Variants in SORCS3 observed in about 807,000 individuals in gnomAD.
The protein encoded by SORCS3 is sortilin related VPS10 domain containing receptor 3, also known as VPS10 domain-containing receptor SorCS3.
SORCS3 carries 57 observed loss-of-function variants against 146.3 expected under a neutral mutation model. That is an observed-to-expected ratio of 0.39 (90% confidence interval 0.31 to 0.49). The LOEUF (loss-of-function observed/expected upper bound fraction) is 0.49. SORCS3 is among the 20% of genes least tolerant of loss of function. SORCS3 has a pLI of 0.92. For synonymous variants in SORCS3, 653 were observed against 618.5 expected (o/e 1.06, Z -0.83); for missense variants, 1,341 against 1,575.5 (o/e 0.85, Z 2.52).
intron 10 of SORCS3, among the ~76,000 whole-genome samples, chr10:105,157,488 A>T (rs1049658253): frequency 6.6e-6 from 1 of 152,224 alleles, no homozygotes. Flanking sequence ...GCAGGCATTT[A>T]ATGAGGATCT....
intron 1 of SORCS3, among the ~76,000 whole-genome samples, chr10:104,681,084 C>T (rs1184600086): frequency 2.0e-5 from 3 of 152,214 alleles, no homozygotes; most frequent in African/African-American, 7.2e-5. Context: ...TGCGCTTGGG[C>T]GTAACACATG....
At chr10:104,903,907 C>T (rs1172409724) in intron 2 of SORCS3, among the ~76,000 whole-genome samples, 2 of 151,986 alleles carry the variant, frequency 1.3e-5, no homozygotes, top group African/African-American at 4.8e-5. Context: ...TAAAAGAATG[C>T]TAATTTTGTC....
intron 2 of SORCS3, among the ~76,000 whole-genome samples, chr10:104,883,647 G>A (rs1039214310): frequency 6.6e-6 from 1 of 152,166 alleles, no homozygotes; most frequent in African/African-American, 2.4e-5. Context: ...TATCTATGAG[G>A]AATATCTTAT....
intron 14 of SORCS3, among the ~76,000 whole-genome samples, chr10:105,195,149 T>C (rs1188842816): frequency 2.0e-5 from 3 of 152,230 alleles, no homozygotes; most frequent in African/African-American, 7.2e-5. Context: ...TTTAATATTC[T>C]ATTGATACAT....
At chr10:104,961,880 T>C (rs1222222193) in intron 3 of SORCS3, among the ~76,000 whole-genome samples, 1 of 152,158 alleles carries the variant, frequency 6.6e-6, no homozygotes. Flanking sequence ...TATTGATTTA[T>C]TGAGCACGTT....
intron 16 of SORCS3, among the ~76,000 whole-genome samples, chr10:105,201,670 C>T (rs1289680323): frequency 6.6e-6 from 1 of 152,176 alleles, no homozygotes; most frequent in African/African-American, 2.4e-5. Context: ...CCCCTAATAA[C>T]AGCAATGGAG....
intron 14 of SORCS3, among the ~76,000 whole-genome samples, chr10:105,185,124 G>A (rs2056466972): frequency 1.3e-5 from 2 of 152,020 alleles, no homozygotes; most frequent in African/African-American, 4.8e-5. Flanking sequence ...CACCAATGTT[G>A]TCATAAATGG....
intron 2 of SORCS3, among the ~76,000 whole-genome samples, chr10:104,880,799 G>A (rs926087148): frequency 1.8e-4 from 27 of 152,114 alleles, no homozygotes; most frequent in African/African-American, 5.3e-4. Flanking sequence ...GAGGTAGCAC[G>A]TGTTGATGCG....
At chr10:105,219,214 A>G (rs916659355) in intron 19 of SORCS3, among the ~76,000 whole-genome samples, 3 of 152,232 alleles carry the variant, frequency 2.0e-5, no homozygotes, top group Non-Finnish European at 4.4e-5. Flanking sequence ...ACAAAACAAA[A>G]TCAGCAAAGG....
At chr10:105,181,123 A>G (rs2056440099) in intron 14 of SORCS3, among the ~76,000 whole-genome samples, 2 of 152,194 alleles carry the variant, frequency 1.3e-5, no homozygotes, top group Non-Finnish European at 2.9e-5. Flanking sequence ...TATATTTACC[A>G]GGCTTGTGCT....
chr10:104,898,641 T>A (rs767029294), intron 2 of SORCS3, among the ~76,000 whole-genome samples: 1 of 152,222 alleles, frequency 6.6e-6, no homozygotes, highest in African/African-American at 2.4e-5. Flanking sequence ...ATCTGGCCCC[T>A]GGAAAGAGGC....
intron 7 of SORCS3, among the ~76,000 whole-genome samples, chr10:105,109,691 G>A (rs1394452451): frequency 2.6e-5 from 4 of 151,548 alleles, no homozygotes; most frequent in African/African-American, 4.9e-5. Context: ...TTTCATTAAG[G>A]CATCTTGTTG....
Position 104,959,845 on chromosome 10 carries a change from T to A in SORCS3, c.796-17490T>A, listed in dbSNP as rs10884070. Among the ~76,000 whole-genome samples, 483 of 152,286 alleles carry A rather than the reference T, an allele frequency of 3.2e-3. 1 individual carries two copies. Among genetic ancestry groups the A allele is most frequent in the Non-Finnish European group, 5.4e-3 (368 of 68,024 alleles). On this transcript the variant is annotated intron_variant, in intron 3 of 26. Coordinates refer to ENST00000369701, the MANE Select transcript of SORCS3 (RefSeq NM_014978.3). ...ACTCCTTGCACAGCCTGACTACTTA[T>A]TGTTTTCATTTTTTTCTGGGAGCTA...
chr10:104,774,713 G>T (rs943657163), intron 1 of SORCS3, among the ~76,000 whole-genome samples: 1 of 152,144 alleles, frequency 6.6e-6, no homozygotes, highest in East Asian at 1.9e-4. Context: ...AGAAAAAGGG[G>T]TCATGGAGTG....
chr10:104,879,908 T>C (rs1244095286), intron 2 of SORCS3, among the ~76,000 whole-genome samples: 1 of 152,172 alleles, frequency 6.6e-6, no homozygotes, highest in African/African-American at 2.4e-5. Context: ...AGAGAGGTGA[T>C]GAAATCCGGT....
chr10:105,146,139 T>C (rs1189208259), intron 8 of SORCS3, among the ~76,000 whole-genome samples: 1 of 152,122 alleles, frequency 6.6e-6, no homozygotes, highest in East Asian at 1.9e-4. Flanking sequence ...CTTTGGCATA[T>C]ACACCAGTAT....
At chr10:104,989,473 C>T (rs2054981553) in intron 4 of SORCS3, among the ~76,000 whole-genome samples, 1 of 152,114 alleles carries the variant, frequency 6.6e-6, no homozygotes, top group African/African-American at 2.4e-5. Context: ...TGGCAGAGGA[C>T]TAGGAGTGGA....
At chr10:105,039,212 A>C (rs1464277988) in intron 4 of SORCS3, among the ~76,000 whole-genome samples, 2 of 152,176 alleles carry the variant, frequency 1.3e-5, no homozygotes, top group African/African-American at 4.8e-5. Context: ...TGGTAGAATA[A>C]AATATGTTTC....
intron 2 of SORCS3, among the ~76,000 whole-genome samples, chr10:104,845,143 G>A (rs2018189109): frequency 6.6e-6 from 1 of 152,048 alleles, no homozygotes; most frequent in Admixed American, 6.6e-5. Flanking sequence ...TCCTCTCTCT[G>A]GTCATAGGTC....
Sources: gnomAD v4.1 joint callset for allele counts (sites outside exome capture counted in the v4.1 genomes callset) on GRCh38, gnomAD v4.1.1 for gene constraint, MANE v1.5 for transcripts, NCBI Gene and HGNC (gene_info 2026-07-23, HGNC 2026-07-21) for gene names.